The following SAMD12 variants were observed in gnomAD, a reference collection of about 807,000 sequenced individuals.
SAMD12 encodes sterile alpha motif domain containing 12.
In SAMD12, 9 loss-of-function variants were observed where a neutral mutation model predicts 15.0. That is an observed-to-expected ratio of 0.60 (90% CI 0.36 to 1.05). The LOEUF (loss-of-function observed/expected upper bound fraction) is 1.05, where lower values mean the gene tolerates loss of function less well. Among genes scored for constraint, SAMD12 ranks in the 50% least tolerant of loss-of-function variants. The probability of loss-of-function intolerance (pLI) is 0.01; values close to 1 mark genes in which losing one functional copy is unlikely to be tolerated. For missense variants in SAMD12, 230 were observed against 234.2 expected (o/e 0.98, Z 0.12); for synonymous variants, 86 against 90.1 (o/e 0.96, Z 0.25).
At chr8:118,548,423 A>ACACACC (rs1491292990) in intron 2 of SAMD12, among the ~76,000 whole-genome samples, 29 of 125,258 alleles carry the variant, frequency 2.3e-4, no homozygotes, top group Middle Eastern at 3.3e-3. Context: ...ACACACACAC[A>ACACACC]CCCCATGTGA....
chr8:118,403,729 G>T (rs1167519169), intron 3 of SAMD12, among the ~76,000 whole-genome samples: 1 of 152,136 alleles, frequency 6.6e-6, no homozygotes, highest in Non-Finnish European at 1.5e-5. Context: ...AATGAGATTT[G>T]TCAGGTCTAT....
At chr8:118,525,540 G>A (rs1026121394) in intron 2 of SAMD12, among the ~76,000 whole-genome samples, 4 of 152,140 alleles carry the variant, frequency 2.6e-5, no homozygotes, top group African/African-American at 9.7e-5. Flanking sequence ...TTAGTTGAAG[G>A]AAAGAATGGC....
intron 3 of SAMD12, among the ~76,000 whole-genome samples, chr8:118,422,751 A>G (rs1427996064): frequency 6.6e-6 from 1 of 152,200 alleles, no homozygotes; most frequent in Non-Finnish European, 1.5e-5. Flanking sequence ...CTGTCTGTGA[A>G]AATTTAGACC....
chr8:118,349,180 A>C (rs1230414369), intron 4 of SAMD12, among the ~76,000 whole-genome samples: 1 of 152,212 alleles, frequency 6.6e-6, no homozygotes, highest in Non-Finnish European at 1.5e-5. Flanking sequence ...ACAAACTGCC[A>C]CTAGAATAAG....
At chr8:118,229,940 C>T (rs758955917) in intron 4 of SAMD12, among the ~76,000 whole-genome samples, 1 of 152,028 alleles carries the variant, frequency 6.6e-6, no homozygotes, top group African/African-American at 2.4e-5. Context: ...AAATACAACA[C>T]CTCCTCCTGG....
intron 4 of SAMD12, among the ~76,000 whole-genome samples, chr8:118,223,636 C>T (rs17507620): frequency 1.8e-4 from 27 of 152,198 alleles, no homozygotes; most frequent in African/African-American, 4.6e-4. Context: ...GGATTCCTTG[C>T]GGGATGGAAA....
At chr8:118,241,946 C>T (rs1812578271) in intron 4 of SAMD12, among the ~76,000 whole-genome samples, 1 of 152,154 alleles carries the variant, frequency 6.6e-6, no homozygotes, top group Non-Finnish European at 1.5e-5. Flanking sequence ...GGGTCTCACT[C>T]TGTTGCCTAA....
intron 3 of SAMD12, among the ~76,000 whole-genome samples, chr8:118,422,243 T>C (rs1000751658): frequency 3.9e-5 from 6 of 152,214 alleles, no homozygotes. Context: ...GATAGTAAGA[T>C]AAATCAGACA....
chr8:118,535,881 A>T (rs933909780), intron 2 of SAMD12, among the ~76,000 whole-genome samples: 1 of 151,940 alleles, frequency 6.6e-6, no homozygotes, highest in African/African-American at 2.4e-5. Flanking sequence ...GAATTCCCTG[A>T]CCCCTTGCAC....
intron 3 of SAMD12, among the ~76,000 whole-genome samples, chr8:118,406,815 A>G (rs35372440): frequency 4.6e-5 from 7 of 151,788 alleles, no homozygotes; most frequent in Admixed American, 2.0e-4. Flanking sequence ...TTGACTTAGC[A>G]TAATGTCCTC....
intron 4 of SAMD12, among the ~76,000 whole-genome samples, chr8:118,214,941 C>A (rs1011681133): frequency 2.0e-5 from 3 of 152,092 alleles, no homozygotes; most frequent in Admixed American, 2.0e-4. Context: ...AATCCTCAGA[C>A]CGAAGGTTAA....
intron 3 of SAMD12, among the ~76,000 whole-genome samples, chr8:118,403,348 G>A (rs1432875656): frequency 1.3e-5 from 2 of 151,976 alleles, no homozygotes; most frequent in Non-Finnish European, 2.9e-5. Flanking sequence ...TACAGTCTGT[G>A]TGTGTGTGGT....
At chr8:118,577,160 T>A (rs1827173398) in intron 2 of SAMD12, among the ~76,000 whole-genome samples, 1 of 152,134 alleles carries the variant, frequency 6.6e-6, no homozygotes, top group East Asian at 1.9e-4. Context: ...CCAATAAGAC[T>A]TACAGGTGAT....
chr8:118,605,646 G>A (rs555793328), intron 1 of SAMD12, among the ~76,000 whole-genome samples: 72 of 151,696 alleles, frequency 4.7e-4, no homozygotes, highest in Non-Finnish European at 7.7e-4. Context: ...CTAAGATGTC[G>A]CTATGAAATT....
intron 3 of SAMD12, among the ~76,000 whole-genome samples, chr8:118,432,120 G>C (rs1443636538): frequency 6.6e-6 from 1 of 152,046 alleles, no homozygotes; most frequent in East Asian, 1.9e-4. Flanking sequence ...CCACTTCTCT[G>C]TTACATTAGT....
chr8:118,384,254 G>A (rs1257147624), intron 3 of SAMD12, among the ~76,000 whole-genome samples: 2 of 152,158 alleles, frequency 1.3e-5, no homozygotes, highest in African/African-American at 2.4e-5. Flanking sequence ...GGCCTCAGAA[G>A]CCCTAGAGAG....
intron 2 of SAMD12, among the ~76,000 whole-genome samples, chr8:118,560,229 A>G (rs1206428108): frequency 1.3e-5 from 2 of 152,156 alleles, no homozygotes; most frequent in Non-Finnish European, 2.9e-5. Flanking sequence ...ATGCCTTCCT[A>G]TTGTCAGGCA....
the SAMD12 span, among the ~76,000 whole-genome samples, chr8:118,157,729 G>A: frequency 1.3e-5 from 2 of 152,184 alleles, no homozygotes; most frequent in African/African-American, 4.8e-5. Context: ...AATAAAGGAT[G>A]AAAGAGAAGT....
chr8:118,522,175 CACATACACACACACACACACACAT>C (rs1266234066), intron 2 of SAMD12, among the ~76,000 whole-genome samples: 1 of 18,680 alleles, frequency 5.4e-5, no homozygotes, highest in African/African-American at 7.2e-4. Context: ...CACACACACA[CACATACACACACACACACACACAT>C]ACACACACAC....
Sources: gnomAD v4.1 joint callset for allele counts (sites outside exome capture counted in the v4.1 genomes callset) on GRCh38, gnomAD v4.1.1 for gene constraint, MANE v1.5 for transcripts, NCBI Gene and HGNC (gene_info 2026-07-23, HGNC 2026-07-21) for gene names.